Variants in PTPRM observed in about 807,000 individuals in gnomAD.
PTPRM encodes protein tyrosine phosphatase receptor type M.
Under a neutral mutation model 186.7 loss-of-function variants are expected in PTPRM, and 47 were observed. The observed-to-expected ratio is 0.25, with a 90% CI of 0.20 to 0.32. The LOEUF (loss-of-function observed/expected upper bound fraction) is 0.32, where lower values mean the gene tolerates loss of function less well. Ranked by LOEUF, PTPRM falls within the 10% of genes least tolerant of loss-of-function variation. The pLI is 1.00. For missense variants in PTPRM, 1,494 were observed against 1,865.0 expected, an observed-to-expected ratio of 0.80 and a Z score of 3.66; for synonymous variants, 668 against 674.9, an observed-to-expected ratio of 0.99 and a Z score of 0.16.
chr18:7,716,378 A>C (rs1174187511), intron 1 of PTPRM, among the ~76,000 whole-genome samples: 1 of 152,224 alleles, frequency 6.6e-6, no homozygotes, highest in African/African-American at 2.4e-5. Flanking sequence ...TAAAACCATA[A>C]AAACCCTAGA....
At chr18:7,986,935 A>C (rs949491885) in intron 7 of PTPRM, among the ~76,000 whole-genome samples, 2 of 152,200 alleles carry the variant, frequency 1.3e-5, no homozygotes, top group African/African-American at 4.8e-5. Flanking sequence ...CCATGGGAGG[A>C]CACAGGGAGA....
intron 13 of PTPRM, among the ~76,000 whole-genome samples, chr18:8,126,546 T>A (rs993760311): frequency 6.6e-6 from 1 of 152,148 alleles, no homozygotes; most frequent in Non-Finnish European, 1.5e-5. Flanking sequence ...TCTGTTTTCC[T>A]CCTACTCTGC....
At chr18:8,092,997 A>G (rs1199575935) in intron 11 of PTPRM, among the ~76,000 whole-genome samples, 1 of 152,092 alleles carries the variant, frequency 6.6e-6, no homozygotes, top group Non-Finnish European at 1.5e-5. Flanking sequence ...TCTACCAAAA[A>G]AATTTTTTTT....
At chr18:7,604,195 C>T (rs1291401459) in intron 1 of PTPRM, among the ~76,000 whole-genome samples, 1 of 152,108 alleles carries the variant, frequency 6.6e-6, no homozygotes, top group Admixed American at 6.5e-5. Context: ...ATGAGTTGTT[C>T]CAATTCTTTT....
intron 27 of PTPRM, among the ~76,000 whole-genome samples, chr18:8,378,757 T>G (rs2095712181): frequency 6.6e-6 from 1 of 152,202 alleles, no homozygotes; most frequent in African/African-American, 2.4e-5. Flanking sequence ...ATGGCACAGT[T>G]ACACCATGGA....
At chr18:8,031,296 G>T (rs2085952036) in intron 7 of PTPRM, among the ~76,000 whole-genome samples, 1 of 152,198 alleles carries the variant, frequency 6.6e-6, no homozygotes, top group Non-Finnish European at 1.5e-5. Context: ...ATACTTTGCA[G>T]ATAGTGCTAA....
intron 1 of PTPRM, among the ~76,000 whole-genome samples, chr18:7,631,969 C>T (rs990168780): frequency 2.6e-5 from 4 of 152,174 alleles, no homozygotes; most frequent in African/African-American, 9.7e-5. Flanking sequence ...GTTAAAATCA[C>T]AGGGTGCAGA....
rs1469589603 is a variant in PTPRM at position 8,157,415 on chromosome 18, C to G, written c.2300+13636C>G. On this transcript the variant is annotated intron_variant, in intron 14 of 32. Transcript: ENST00000580170. ...AGAAGACCAAGGAACGGAGCTGTCT[C>G]CCCTTGAGAGGGGGTCCTCTCTCCT... Among the ~76,000 whole-genome samples the G allele has an allele frequency of 2.0e-5, 3 of 152,204 alleles. No individual in the cohort carries two copies. In the East Asian group the frequency reaches 5.8e-4, roughly 29 times the overall value.
chr18:7,779,188 C>T (rs543796243), intron 2 of PTPRM, among the ~76,000 whole-genome samples: 151 of 152,276 alleles, frequency 9.9e-4, no homozygotes, highest in Non-Finnish European at 1.8e-3. Context: ...ATGTTGTCCC[C>T]TTAAGTTTTC....
At chr18:7,664,583 G>A (rs1174385497) in intron 1 of PTPRM, among the ~76,000 whole-genome samples, 1 of 151,998 alleles carries the variant, frequency 6.6e-6, no homozygotes, top group Non-Finnish European at 1.5e-5. Flanking sequence ...TCTCCATATG[G>A]GCCTCTTCAT....
intron 5 of PTPRM, among the ~76,000 whole-genome samples, chr18:7,927,435 GA>G (rs375955730): frequency 1.3e-5 from 2 of 149,502 alleles, no homozygotes; most frequent in African/African-American, 4.9e-5. Flanking sequence ...GAGTGGTGTT[GA>G]TTTTTTGTCC....
intron 14 of PTPRM, among the ~76,000 whole-genome samples, chr18:8,211,377 C>CTTTTTTTTTTTTTTTTTTTTTT (rs970926126): frequency 7.6e-4 from 66 of 87,242 alleles, no homozygotes; most frequent in South Asian, 9.6e-4. Context: ...GTCTCTTCTT[C>CTTTTTTTTTTTTTTTTTTTTTT]TTTTTTTTTT....
At chr18:7,814,007 A>G (rs989580419) in intron 2 of PTPRM, 4 of 152,186 alleles carry the variant, frequency 2.6e-5, no homozygotes, top group Admixed American at 6.5e-5. Context: ...TTACTAAAGC[A>G]TTCCTTATAC....
intron 20 of PTPRM, among the ~76,000 whole-genome samples, chr18:8,311,892 G>A (rs1365087639): frequency 6.6e-6 from 1 of 152,196 alleles, no homozygotes; most frequent in Non-Finnish European, 1.5e-5. Context: ...CAGCCCATGG[G>A]TGGTAAATCA....
chr18:8,263,412 G>C (rs892254072), intron 19 of PTPRM, among the ~76,000 whole-genome samples: 2 of 152,000 alleles, frequency 1.3e-5, no homozygotes, highest in African/African-American at 4.8e-5. Context: ...CCCAGCTGAG[G>C]ATGAACATTT....
intron 3 of PTPRM, among the ~76,000 whole-genome samples, chr18:7,900,328 GT>G (rs1567986912): frequency 6.6e-6 from 1 of 152,052 alleles, no homozygotes; most frequent in Non-Finnish European, 1.5e-5. Context: ...TCTTCTTTCT[GT>G]TTTCTCCCAC....
intron 2 of PTPRM, among the ~76,000 whole-genome samples, chr18:7,791,020 A>G (rs1045719089): frequency 6.6e-6 from 1 of 152,098 alleles, no homozygotes; most frequent in African/African-American, 2.4e-5. Flanking sequence ...ATGTTTATTT[A>G]TTTTTTATTA....
At chr18:8,386,480 G>A (rs564509165) in intron 30 of PTPRM, among the ~76,000 whole-genome samples, 9 of 152,282 alleles carry the variant, frequency 5.9e-5, no homozygotes, top group Admixed American at 5.2e-4. Context: ...GCTGCTGAAG[G>A]CCACAGAAGA....
chr18:7,665,509 A>AAAATT (rs1385059300), intron 1 of PTPRM, among the ~76,000 whole-genome samples: 2 of 152,232 alleles, frequency 1.3e-5, no homozygotes, highest in Non-Finnish European at 2.9e-5. Context: ...ATTGGGAGGC[A>AAAATT]AAATTATTCT....
Sources: gnomAD v4.1 joint callset for allele counts (sites outside exome capture counted in the v4.1 genomes callset) on GRCh38, gnomAD v4.1.1 for gene constraint, MANE v1.5 for transcripts, NCBI Gene and HGNC (gene_info 2026-07-23, HGNC 2026-07-21) for gene names.